The following NLRX1 variants were observed in gnomAD, a reference collection of about 807,000 sequenced individuals.
NLRX1 encodes NOD-like receptor X1.
NLRX1 carries 67 observed loss-of-function variants against 74.2 expected under a neutral mutation model. The observed-to-expected ratio is 0.90, with a 90% CI of 0.74 to 1.11. NLRX1 has a LOEUF of 1.11. Among genes scored for constraint, NLRX1 ranks in the 50% least tolerant of loss-of-function variants. The probability of loss-of-function intolerance (pLI) is 0.00; values close to 1 mark genes in which losing one functional copy is unlikely to be tolerated. For missense variants in NLRX1, 1,191 were observed against 1,305.4 expected, an observed-to-expected ratio of 0.91 and a Z score of 1.35; for synonymous variants, 506 against 559.1, an observed-to-expected ratio of 0.91 and a Z score of 1.34.
chr11:119,183,361 T>G lies in NLRX1; in HGVS notation c.2850T>G (p.Pro950=). 6.2e-7 allele frequency: 1 copy of G among 1,614,198 alleles called. No individual in the cohort carries two copies. Among genetic ancestry groups the G allele is most frequent in the Non-Finnish European group, 8.5e-7 (1 of 1,180,028 alleles). The stretch of plus-strand genomic sequence containing the variant: ...ATAGCCGGGGTGCCACCCTTAATCC[T>G]TGGCGCAAGGCCCAGCTGCTGCGAG... ...LEDSRGATLN[P]WRKAQLLRVE... The change falls in exon 10 of 10, where the codon CCT becomes CCG. Residue 950 remains proline (P), a synonymous_variant. Coordinates refer to ENST00000409109, the MANE Select transcript of NLRX1 (RefSeq NM_001282144.2). This position sits in a 1 kb window ranked among gnomAD's most constrained non-coding sequence, Gnocchi z 5.7.
rs761758778 is a variant in NLRX1, at chr11:119,179,924, A to C, written c.1903A>C (p.Asn635His). 1.2e-6 allele frequency: 2 copies of C among 1,611,980 alleles called. No homozygotes were observed. Among genetic ancestry groups the C allele is most frequent in the South Asian group, 1.1e-5 (1 of 91,028 alleles). ...MFMGGLLSAHNRAVLAQLGCP... is the reference protein window; with the variant it reads ...MFMGGLLSAHHRAVLAQLGCP... ...CATGGGGGGGCTTCTCTCTGCCCAC[A>C]ACCGAGCTGTGCTAGCTCAGCTTGG... The change falls in exon 7 of 10, where the codon AAC (asparagine) becomes CAC (histidine). Residue 635 changes from asparagine to histidine, a missense_variant. Transcript: ENST00000409109.
In NLRX1 at chr11:119,172,076, CG is replaced by C. The variant is rs1948564689; in HGVS notation, c.71-279del. 2.6e-5 allele frequency among the ~76,000 whole-genome samples: 4 copies of C among 152,206 alleles called. No individual in the cohort carries two copies. In the South Asian group the frequency reaches 8.3e-4, roughly 32 times the overall value. The stretch of plus-strand genomic sequence containing the variant: ...GAGATTTACTGAGTGCCTGCCGTAC[CG>C]CAGACCTGGTGTTAAGTTCTAAGTA... On this transcript the variant is annotated intron_variant, in intron 2 of 9. Transcript: ENST00000409109.
At position 119,180,108 on chromosome 11, in the gene NLRX1, G is replaced by T; in HGVS notation, c.2087G>T (p.Ser696Ile). 1 of 1,613,590 alleles carries T rather than the reference G, an allele frequency of 6.2e-7. No homozygotes were observed. The highest frequency in any genetic ancestry group is 8.5e-7 in the Non-Finnish European group (1 of 1,179,790). The change falls in exon 7 of 10, where the codon AGC becomes ATC. Residue 696 changes from serine (S) to isoleucine (I), a missense_variant. Coordinates refer to ENST00000409109, the MANE Select transcript of NLRX1 (RefSeq NM_001282144.2). ...QNQRFSAEVL[S>I]SLRQLNLAGV... is the part of the protein sequence containing the mutation. Reference sequence around the variant, plus strand: ...CAGCGCTTCTCCGCTGAGGTGCTCAGCTCCCTGCGTCAGCTCAACCTGGCA... The same window carrying T: ...CAGCGCTTCTCCGCTGAGGTGCTCATCTCCCTGCGTCAGCTCAACCTGGCA...
At position 119,179,905 on chromosome 11, in the gene NLRX1, G is replaced by T; in HGVS notation, c.1884G>T (p.Gly628=). The T allele has an allele frequency of 3.7e-6, 6 of 1,611,898 alleles. No homozygotes were observed. The highest frequency in any genetic ancestry group is 5.1e-6 in the Non-Finnish European group (6 of 1,178,440). The change falls in exon 7 of 10, where the codon GGG becomes GGT. Residue 628 remains glycine, a synonymous_variant. Transcript: ENST00000409109. ...EVFELFPMFM[G]GLLSAHNRAV... is the part of the protein sequence containing the mutation. Reference sequence around the variant, plus strand: ...TCGAGCTCTTCCCCATGTTCATGGGGGGGCTTCTCTCTGCCCACAACCGAG... The same window carrying T: ...TCGAGCTCTTCCCCATGTTCATGGGTGGGCTTCTCTCTGCCCACAACCGAG...
intron 6 of NLRX1, 108 bp downstream of exon 6, chr11:119,175,382 G>A: frequency 1.1e-6 from 1 of 876,878 alleles, no homozygotes; most frequent in South Asian, 1.6e-5. Context: ...TCCTCTCCCA[G>A]CAGGAAACTG....
chr11:119,169,990 C>A (rs1490608062), intron 1 of NLRX1, among the ~76,000 whole-genome samples: 1 of 112,868 alleles, frequency 8.9e-6, no homozygotes, highest in Non-Finnish European at 1.6e-5. Context: ...AGCGAGAGAC[C>A]CTGTCTCAGG....
rs1237925787 is a variant in NLRX1 at position 119,174,847 on chromosome 11, A to C, written c.1244A>C (p.Asp415Ala). Reference protein sequence around the residue: ...NFSGETLDSTDPSNLSLMAYA... With the variant: ...NFSGETLDSTAPSNLSLMAYA... The stretch of plus-strand genomic sequence containing the variant: ...AGCGGGGAAACCCTGGACAGCACTG[A>C]CCCCTCCAATTTGTCCCTGATGGCC... Residue 415 changes from aspartate (D) to alanine (A), a missense_variant, in exon 6 of 10, where the codon GAC (aspartate) becomes GCC (alanine). Coordinates refer to ENST00000409109, the MANE Select transcript of NLRX1 (RefSeq NM_001282144.2). The C allele has an allele frequency of 2.5e-6, 4 of 1,613,844 alleles. No individual in the cohort carries two copies.
rs776393378 is a variant in NLRX1, at chr11:119,172,950, G to T, written c.190G>T (p.Gly64Trp). The T allele has an allele frequency of 6.2e-7, 1 of 1,613,750 alleles. No homozygotes were observed. Among genetic ancestry groups the T allele is most frequent in the Non-Finnish European group, 8.5e-7 (1 of 1,179,950 alleles). The change falls in exon 4 of 10, where the codon GGG becomes TGG. Residue 64 changes from glycine to tryptophan, a missense_variant. Gly to Trp is a radical substitution (Grantham distance 184). Coordinates refer to ENST00000409109, the MANE Select transcript of NLRX1 (RefSeq NM_001282144.2). ...CTCGGTAGATAGCGCTCCCCCACCC[G>T]GGAGGCATGGACGGCTGTTCCCCAG... ...GSSVDSAPPP[G>W]RHGRLFPSAS...
rs1263958976 is a variant in NLRX1 at position 119,183,404 on chromosome 11, G to C, written c.2893G>C (p.Ala965Pro). 2 of 1,613,622 alleles carry C rather than the reference G, an allele frequency of 1.2e-6. No individual in the cohort carries two copies. Among genetic ancestry groups the C allele is most frequent in the South Asian group, 2.2e-5 (2 of 91,074 alleles). Reference protein sequence around the residue: ...QLLRVEGEVRALLEQLGSSGS With the variant: ...QLLRVEGEVRPLLEQLGSSGS Reference sequence around the variant, plus strand: ...GCTGCGAGTGGAGGGCGAGGTCAGGGCCCTCCTGGAGCAGCTGGGAAGCTC... The same window carrying C: ...GCTGCGAGTGGAGGGCGAGGTCAGGCCCCTCCTGGAGCAGCTGGGAAGCTC... Residue 965 changes from alanine (A) to proline (P), a missense_variant, in exon 10 of 10, where the codon GCC becomes CCC. Transcript: ENST00000409109. This position sits in a 1 kb window ranked among gnomAD's most constrained non-coding sequence, Gnocchi z 5.7.
At chr11:119,171,568 G>C in intron 2 of NLRX1, 95 bp downstream of exon 2, 1 of 848,886 alleles carries the variant, frequency 1.2e-6, no homozygotes, top group South Asian at 1.5e-5. Flanking sequence ...GACACCAGGT[G>C]CACTAGTCTC....
Position 119,172,419 on chromosome 11 carries a change from C to T in NLRX1, c.134C>T (p.Pro45Leu), listed in dbSNP as rs1231190013. ...WPLQGERPFG[P>L]PRAFIRHHGS... ...CTTCAAGGGGAGCGTCCCTTTGGGC[C>T]CCCTAGGTGAGGCCTGGGTGTCATA... Residue 45 changes from proline to leucine, a missense_variant, in exon 3 of 10, where the codon CCC becomes CTC. Physicochemically the swap from Pro to Leu is moderately conservative, Grantham distance 98 (BLOSUM62 -3). Coordinates refer to ENST00000409109, the MANE Select transcript of NLRX1 (RefSeq NM_001282144.2). 3 of 1,612,056 alleles carry T rather than the reference C, an allele frequency of 1.9e-6. No individual in the cohort carries two copies. The highest frequency in any genetic ancestry group is 1.1e-5 in the South Asian group (1 of 91,036).
At chr11:119,181,513 G>A (rs1948836975) in intron 8 of NLRX1, among the ~76,000 whole-genome samples, 1 of 152,020 alleles carries the variant, frequency 6.6e-6, no homozygotes, top group African/African-American at 2.4e-5. Context: ...AGAGAGGGTG[G>A]AATAATACCT....
rs765609054 is a variant in NLRX1 at position 119,183,287 on chromosome 11, C to G, written c.2776C>G (p.Arg926Gly). The part of the protein sequence containing the change: ...EVQRNLNSWD[R>G]ARVQRHLELL... ...CCAGCGGAACCTCAATAGCTGGGAT[C>G]GGGCCCGGGTTCAGCGACACCTTGA... The change falls in exon 10 of 10, where the codon CGG (arginine) becomes GGG (glycine). Residue 926 changes from arginine (R) to glycine (G), a missense_variant. Physicochemically the swap from Arg to Gly is moderately radical, Grantham distance 125. Transcript: ENST00000409109. This position sits in a 1 kb window ranked among gnomAD's most constrained non-coding sequence, Gnocchi z 5.7. The G allele has an allele frequency of 1.2e-6, 2 of 1,614,190 alleles. No individual in the cohort carries two copies. The highest frequency in any genetic ancestry group is 2.2e-5 in the South Asian group (2 of 91,082).
chr11:119,171,081 T>C (rs1468799889), intron 1 of NLRX1, among the ~76,000 whole-genome samples: 1 of 151,992 alleles, frequency 6.6e-6, no homozygotes, highest in Non-Finnish European at 1.5e-5. Flanking sequence ...AGGCATAGGC[T>C]TCAATGAGCC....
Position 119,174,963 on chromosome 11 carries a change from G to C in NLRX1, c.1360G>C (p.Glu454Gln), listed in dbSNP as rs1364095095. 3.7e-6 allele frequency: 6 copies of C among 1,613,944 alleles called. No homozygotes were observed. In the African/African-American group the frequency reaches 8.0e-5, roughly 22 times the overall value. ...TGAAGAGGATGTCTGTGGCTGCCTG[G>C]AGGCTGGCATCAGGACGGAGGAGGA... ...FSEEDVCGCL[E>Q]AGIRTEEEFQ... Residue 454 changes from glutamate to glutamine, a missense_variant, in exon 6 of 10, where the codon GAG (glutamate) becomes CAG (glutamine). Physicochemically the swap from Glu to Gln is conservative, Grantham distance 29. Coordinates refer to ENST00000409109, the MANE Select transcript of NLRX1 (RefSeq NM_001282144.2).
In NLRX1 at chr11:119,180,019, C is replaced by T; in HGVS notation, c.1998C>T (p.Gly666=). ...TCAAGAAGAAGCTGGGCAAGCTGGGCCGGCAGGTGCTGCCCCCATCAGAGC... is the reference window on the plus strand; with the variant it reads ...TCAAGAAGAAGCTGGGCAAGCTGGGTCGGCAGGTGCTGCCCCCATCAGAGC... The part of the protein sequence containing the change: ...QAIKKKLGKL[G]RQVLPPSELL... The change falls in exon 7 of 10, where the codon GGC becomes GGT. Residue 666 remains glycine (G), a synonymous_variant. Transcript: ENST00000409109. 6.2e-7 allele frequency: 1 copy of T among 1,613,654 alleles called. No homozygotes were observed. The highest frequency in any genetic ancestry group is 8.5e-7 in the Non-Finnish European group (1 of 1,180,008).
At position 119,172,408 on chromosome 11, in the gene NLRX1, T is replaced by C. The variant is rs1592321276; in HGVS notation, c.123T>C (p.Arg41=). Residue 41 remains arginine, a synonymous_variant, in exon 3 of 10, where the codon CGT becomes CGC. Coordinates refer to ENST00000409109, the MANE Select transcript of NLRX1 (RefSeq NM_001282144.2). ...GGAGTTGGCCCCTTCAAGGGGAGCG[T>C]CCCTTTGGGCCCCCTAGGTGAGGCC... ...IHWSWPLQGE[R]PFGPPRAFIR... The C allele has an allele frequency of 1.2e-6, 2 of 1,613,468 alleles. No homozygotes were observed. Among genetic ancestry groups the C allele is most frequent in the Non-Finnish European group, 1.7e-6 (2 of 1,179,376 alleles).
rs138854645 is a variant in NLRX1, at chr11:119,174,501, A to G, written c.898A>G (p.Ser300Gly). 324 of 1,614,216 alleles carry G rather than the reference A, an allele frequency of 2.0e-4. 1 individual carries two copies. The African/African-American group carries it at 3.6e-3, about 18-fold the overall frequency. ...GCCCTCTGCCATTGGCCGTATCCCC[A>G]GCAAGTACGTGGGCCGCTATGGTGA... ...TRPSAIGRIPSKYVGRYGEIC... is the reference protein window; with the variant it reads ...TRPSAIGRIPGKYVGRYGEIC... The change falls in exon 6 of 10, where the codon AGC becomes GGC. Residue 300 changes from serine (S) to glycine (G), a missense_variant. Coordinates refer to ENST00000409109, the MANE Select transcript of NLRX1 (RefSeq NM_001282144.2).
intron 6 of NLRX1, chr11:119,177,856 A>C (rs1237553414): frequency 1.3e-5 from 2 of 152,122 alleles, no homozygotes; most frequent in Non-Finnish European, 1.5e-5. Context: ...TGCACCCCCA[A>C]GCCCTCTTGG....
Sources: allele counts gnomAD v4.1 joint callset (sites outside exome capture counted in the v4.1 genomes callset), GRCh38; gene constraint gnomAD v4.1.1; non-coding constraint Gnocchi (gnomAD v3.1); transcripts MANE v1.5; gene names NCBI Gene and HGNC (gene_info 2026-07-23, HGNC 2026-07-21).